Variants in RBFA observed in about 807,000 individuals in gnomAD.
RBFA encodes the protein putative ribosome-binding factor A, mitochondrial.
RBFA carries 16 observed loss-of-function variants against 27.9 expected under a neutral mutation model. The ratio of observed to expected loss-of-function variants is 0.57; its 90% confidence interval spans 0.39 to 0.87. The LOEUF (loss-of-function observed/expected upper bound fraction) is 0.87. Ranked by LOEUF, RBFA falls within the 40% of genes least tolerant of loss-of-function variation. The probability of loss-of-function intolerance (pLI) is 0.00; values close to 1 mark genes in which losing one functional copy is unlikely to be tolerated. For synonymous variants in RBFA, 181 were observed against 181.0 expected (o/e 1.00, Z 0.00); for missense variants, 456 against 432.1 (o/e 1.06, Z -0.49).
chr18:80,046,154 A>G lies in RBFA; in HGVS notation c.1031A>G (p.Ter344TrpextTer42). Residue 344 changes from the stop codon to tryptophan, a stop_lost, in exon 7 of 7, where the codon TAG becomes TGG. Transcript: ENST00000306735. Reference sequence around the variant, plus strand: ...CACAGCTGCGGAGCAAGCAGGGAGTAGATGGAGAGGCTCTGCCCATCCCAC... The same window carrying G: ...CACAGCTGCGGAGCAAGCAGGGAGTGGATGGAGAGGCTCTGCCCATCCCAC... ...DGHSCGASRE* is the reference protein window; with the variant it reads ...DGHSCGASREW The G allele has an allele frequency of 6.2e-7, 1 of 1,613,344 alleles. No individual in the cohort carries two copies. Among genetic ancestry groups the G allele is most frequent in the Non-Finnish European group, 8.5e-7 (1 of 1,179,568 alleles).
At position 80,046,394 on chromosome 18, in the gene RBFA, A is replaced by G. The variant is rs570594405; in HGVS notation, c.*239A>G. 1 of 524,914 alleles carries G rather than the reference A, an allele frequency of 1.9e-6. No individual in the cohort carries two copies. The highest frequency in any genetic ancestry group is 3.4e-5 in the Admixed American group (1 of 29,498). The allele number at this position is 524,914 out of a possible 1,614,324, so 32.5% of individuals were successfully genotyped here. ...TCTTATCACAGATTCTCACAAAAAGAAAATGGTAAAATAGTGTCTCTGAGA... is the reference window on the plus strand; with the variant it reads ...TCTTATCACAGATTCTCACAAAAAGGAAATGGTAAAATAGTGTCTCTGAGA... On this transcript the variant is annotated 3_prime_UTR_variant, in exon 7 of 7. Coordinates refer to ENST00000306735, the MANE Select transcript of RBFA (RefSeq NM_024805.3).
intron 5 of RBFA, among the ~76,000 whole-genome samples, chr18:80,042,903 G>A (rs562852162): frequency 6.6e-6 from 1 of 152,108 alleles, no homozygotes; most frequent in Non-Finnish European, 1.5e-5. Context: ...TGCTGTTTCT[G>A]GTTTTAATTT....
chr18:80,048,856 A>ACG lies in RBFA; in HGVS notation c.*2701_*2702insCG, dbSNP rs2052075121. On this transcript the variant is annotated 3_prime_UTR_variant, in exon 7 of 7. Transcript: ENST00000306735. ...GCCTCCTAGAAAGTGGAGTGTGGGC[A>ACG]TGTTTGCAGGGGATCCAACCAGGCG... 6.7e-6 allele frequency among the ~76,000 whole-genome samples: 1 copy of ACG among 149,376 alleles called. No homozygotes were observed. The highest frequency in any genetic ancestry group is 2.5e-5 in the African/African-American group (1 of 39,456).
At position 80,034,845 on chromosome 18, in the gene RBFA, G is replaced by C. The variant is rs993241788; in HGVS notation, c.158+192G>C. 5 of 580,138 alleles carry C rather than the reference G, an allele frequency of 8.6e-6. No homozygotes were observed. In the South Asian group the frequency reaches 1.4e-4, roughly 16 times the overall value. The allele number at this position is 580,138 out of a possible 1,614,324, so 35.9% of individuals were successfully genotyped here. A position where few individuals can be genotyped will look rare whatever the true frequency, so the allele number is the denominator to read the frequency against. On this transcript the variant is annotated intron_variant, in intron 1 of 6. Coordinates refer to ENST00000306735, the MANE Select transcript of RBFA (RefSeq NM_024805.3). ...CTTTTGTGTTCGTGGACGTGTGTCG[G>C]GTTAAGAAAACAAAGTGACAATGTG...
chr18:80,049,910 G>A lies in RBFA; in HGVS notation c.*3755G>A, dbSNP rs1179931590. ...GAGACGGGCCAGAGCCACCTTGGTG[G>A]TCTGAGTATGAGGCCAGCATTAGAA... On this transcript the variant is annotated 3_prime_UTR_variant, in exon 7 of 7. Transcript: ENST00000306735. Among the ~76,000 whole-genome samples, 1 of 152,230 alleles carries A rather than the reference G, an allele frequency of 6.6e-6. No individual in the cohort carries two copies. Among genetic ancestry groups the A allele is most frequent in the Non-Finnish European group, 1.5e-5 (1 of 68,038 alleles).
intron 6 of RBFA, 75 bp from the exon 7 acceptor site, chr18:80,045,699 G>T (rs1361106570): frequency 1.4e-6 from 2 of 1,457,284 alleles, no homozygotes; most frequent in Non-Finnish European, 1.8e-6. Context: ...GTGATGTGCT[G>T]TTGTGTTGTG....
At chr18:80,038,457 A>T in intron 3 of RBFA, 48 bp from the exon 4 acceptor site, 2 of 1,316,580 alleles carry the variant, frequency 1.5e-6, no homozygotes, top group Non-Finnish European at 2.2e-6. Context: ...GTTTGTCTTG[A>T]AAACCCATGT....
chr18:80,036,572 C>T, intron 1 of RBFA, 96 bp from the exon 2 acceptor site: 1 of 797,476 alleles, frequency 1.3e-6, no homozygotes, highest in South Asian at 1.9e-5. Context: ...AAGTTTAGCC[C>T]CCTATAAACA....
In RBFA at chr18:80,038,598, A is replaced by T; in HGVS notation, c.472A>T (p.Arg158Ter). The change falls in exon 4 of 7, where the codon AGA becomes TGA. Residue 158 changes from arginine (R) to a stop codon, truncating the protein, a stop_gained. Transcript: ENST00000306735. LOFTEE classifies it high-confidence loss of function. Reference protein sequence around the residue: ...QNAHMEAVLQRSAAHMRHLLM... With the variant: ...QNAHMEAVLQ ...CGCACACATGGAGGCTGTCCTGCAG[A>T]GAAGTGCCGCGCACATGAGGTGATG... is the stretch of plus-strand genomic sequence containing the variant. The T allele has an allele frequency of 6.2e-7, 1 of 1,613,690 alleles. No individual in the cohort carries two copies. Among genetic ancestry groups the T allele is most frequent in the Non-Finnish European group, 8.5e-7 (1 of 1,179,620 alleles).
chr18:80,041,580 A>G (rs1345730102), intron 4 of RBFA: 3 of 152,274 alleles, frequency 2.0e-5, no homozygotes, highest in Non-Finnish European at 2.9e-5. Flanking sequence ...CAGATCGCAC[A>G]AGTTGCGTTG....
chr18:80,038,132 G>A lies in RBFA; in HGVS notation c.379-373G>A, dbSNP rs531011526. Reference sequence around the variant, plus strand: ...ATGCATCTGCATGTACCTCAGTACAGAGGTACAGGAGATGACTTCCTCTGA... The same window carrying A: ...ATGCATCTGCATGTACCTCAGTACAAAGGTACAGGAGATGACTTCCTCTGA... On this transcript the variant is annotated intron_variant, in intron 3 of 6. Coordinates refer to ENST00000306735, the MANE Select transcript of RBFA (RefSeq NM_024805.3). Among the ~76,000 whole-genome samples, 37 of 152,218 alleles carry A rather than the reference G, an allele frequency of 2.4e-4. 1 individual carries two copies. The highest frequency in any genetic ancestry group is 8.8e-5 in the Non-Finnish European group (6 of 68,030).
chr18:80,036,609 A>G, intron 1 of RBFA, 59 bp from the exon 2 acceptor site: 2 of 1,280,974 alleles, frequency 1.6e-6, no homozygotes, highest in Non-Finnish European at 1.1e-6. Context: ...CTCTTAAATT[A>G]GCTTATGTAA....
At chr18:80,045,515 G>A (rs566717864) in intron 6 of RBFA, among the ~76,000 whole-genome samples, 4 of 152,218 alleles carry the variant, frequency 2.6e-5, no homozygotes, top group South Asian at 2.1e-4. Context: ...GTGAGCCACC[G>A]TGCCCGGCGC....
Position 80,044,219 on chromosome 18 carries a change from A to C in RBFA, c.584A>C (p.Gln195Pro). The change falls in exon 6 of 7, where the codon CAG becomes CCG. Residue 195 changes from glutamine (Q) to proline (P), a missense_variant. By Grantham distance (76) the Gln-to-Pro change is moderately conservative. Transcript: ENST00000306735. ...CTCTGTGTTCCTCTGTAGCTTGATC[A>C]GTTACTGGCAGTCGCAGACTTTGGA... ...KGNAALAELD[Q>P]LLAVADFGPR... The C allele has an allele frequency of 6.2e-7, 1 of 1,614,064 alleles. No homozygotes were observed. Among genetic ancestry groups the C allele is most frequent in the Non-Finnish European group, 8.5e-7 (1 of 1,179,886 alleles).
rs34422184 is a variant in RBFA at position 80,048,725 on chromosome 18, G to A, written c.*2570G>A. 0.045 allele frequency among the ~76,000 whole-genome samples: 6,855 copies of A among 152,282 alleles called. 234 individuals carry two copies. The highest frequency in any genetic ancestry group is 0.064 in the Non-Finnish European group (4,353 of 68,004). Reference sequence around the variant, plus strand: ...CCAAATAAGGAATCTGAGGCCCAGGGAGAGGTGAAGTGCTGCAGGAGATCC... The same window carrying A: ...CCAAATAAGGAATCTGAGGCCCAGGAAGAGGTGAAGTGCTGCAGGAGATCC... On this transcript the variant is annotated 3_prime_UTR_variant, in exon 7 of 7. Coordinates refer to ENST00000306735, the MANE Select transcript of RBFA (RefSeq NM_024805.3).
rs915242133 is a variant in RBFA at position 80,046,611 on chromosome 18, G to A, written c.*456G>A. On this transcript the variant is annotated 3_prime_UTR_variant, in exon 7 of 7. Coordinates refer to ENST00000306735, the MANE Select transcript of RBFA (RefSeq NM_024805.3). ...TGGGGCTGCTGGGCTGGCACGTGGC[G>A]CCGGGGGCTCCATCCCTGGGGCTGC... Among the ~76,000 whole-genome samples, 7 of 152,020 alleles carry A rather than the reference G, an allele frequency of 4.6e-5. No homozygotes were observed. Among genetic ancestry groups the A allele is most frequent in the South Asian group, 2.1e-4 (1 of 4,820 alleles).
At chr18:80,039,424 A>T (rs936614837) in intron 4 of RBFA, among the ~76,000 whole-genome samples, 1 of 152,226 alleles carries the variant, frequency 6.6e-6, no homozygotes, top group Admixed American at 6.5e-5. Flanking sequence ...ATTTTTTGTA[A>T]TGGGAAGTAC....
chr18:80,040,801 T>C (rs1200697281), intron 4 of RBFA, among the ~76,000 whole-genome samples: 1 of 152,204 alleles, frequency 6.6e-6, no homozygotes, highest in Non-Finnish European at 1.5e-5. Context: ...ATAGTAAATA[T>C]TGATAGATAG....
At chr18:80,043,438 A>G (rs530864404) in intron 5 of RBFA, among the ~76,000 whole-genome samples, 1 of 152,352 alleles carries the variant, frequency 6.6e-6, no homozygotes, top group East Asian at 1.9e-4. Context: ...TGCCGTAAGG[A>G]ATCAGGGACA....
Sources: allele counts gnomAD v4.1 joint callset (sites outside exome capture counted in the v4.1 genomes callset), GRCh38; gene constraint gnomAD v4.1.1; transcripts MANE v1.5; gene names NCBI Gene and HGNC (gene_info 2026-07-23, HGNC 2026-07-21).